The following FAM47E variants were observed in gnomAD, a reference collection of about 807,000 sequenced individuals.
FAM47E encodes protein FAM47E.
A neutral mutation model predicts 41.6 loss-of-function variants in FAM47E; 32 were observed. That is an observed-to-expected ratio of 0.77 (90% CI 0.58 to 1.03). The LOEUF (loss-of-function observed/expected upper bound fraction) is 1.03, where lower values mean the gene tolerates loss of function less well. Ranked by LOEUF, FAM47E falls within the 50% of genes least tolerant of loss-of-function variation. The pLI is 0.00. For missense variants in FAM47E, 424 were observed against 485.4 expected, an observed-to-expected ratio of 0.87 and a Z score of 1.19; for synonymous variants, 184 against 188.7, an observed-to-expected ratio of 0.98 and a Z score of 0.20.
intron 5 of FAM47E, among the ~76,000 whole-genome samples, chr4:76,276,360 TTTTGTTTG>T (rs796747162): frequency 1.0e-4 from 6 of 57,722 alleles, no homozygotes; most frequent in Non-Finnish European, 2.5e-4. Flanking sequence ...GGTTACTTTT[TTTTGTTTG>T]TTTGTTTTTT....
intron 2 of FAM47E, among the ~76,000 whole-genome samples, chr4:76,245,861 A>C (rs774530610): frequency 2.3e-4 from 35 of 152,204 alleles, no homozygotes; most frequent in Non-Finnish European, 4.7e-4. Flanking sequence ...GAACTAAAGG[A>C]CCCATCCATC....
Position 76,256,334 on chromosome 4 carries a change from G to T in FAM47E, c.231G>T (p.Gln77His). 9 of 1,551,720 alleles carry T rather than the reference G, an allele frequency of 5.8e-6. No individual in the cohort carries two copies. The highest frequency in any genetic ancestry group is 7.8e-6 in the Non-Finnish European group (9 of 1,147,006). Residue 77 changes from glutamine to histidine, a missense_variant, in exon 2 of 8, where the codon CAG (glutamine) becomes CAT (histidine). By Grantham distance (24) the Gln-to-His change is conservative. Transcript: ENST00000424749. ...TQVPVEGFLP[Q>H]IYHRAPQLAP... ...TCCCTGTGGAGGGCTTTCTGCCCCA[G>T]ATTTATCACAGAGCTCCCCAACTGG...
At chr4:76,214,887 G>C (rs1199599546) in intron 1 of FAM47E, among the ~76,000 whole-genome samples, 1 of 152,238 alleles carries the variant, frequency 6.6e-6, no homozygotes, top group African/African-American at 2.4e-5. Context: ...CTGGGATGCA[G>C]GTGTGATCCT....
Position 76,280,329 on chromosome 4 carries a change from C to T in FAM47E, c.1092C>T (p.Tyr364=), listed in dbSNP as rs770978130. The change falls in exon 7 of 8, where the codon TAC becomes TAT. Residue 364 remains tyrosine (Y), a synonymous_variant. Coordinates refer to ENST00000424749, the MANE Select transcript of FAM47E (RefSeq NM_001136570.3). ...AFKDFILSRG[Y]RTPRFLENMY... ...AGGATTTCATTCTAAGCAGGGGCTA[C>T]AGGACGCCACGTGTGAGTAAAGGGT... The T allele has an allele frequency of 3.5e-4, 545 of 1,545,540 alleles. 2 individuals are homozygous for T. The highest frequency in any genetic ancestry group is 3.3e-4 in the Middle Eastern group (2 of 6,000).
At chr4:76,272,878 A>G (rs1394746121) in intron 5 of FAM47E, among the ~76,000 whole-genome samples, 3 of 152,174 alleles carry the variant, frequency 2.0e-5, no homozygotes, top group African/African-American at 7.2e-5. Context: ...AGTTGAAAAT[A>G]TATTTCCACA....
In FAM47E at chr4:76,263,629, C is replaced by CT. The variant is rs1734509576; in HGVS notation, c.421-74dup. On this transcript the variant is annotated intron_variant, in intron 2 of 7. Transcript: ENST00000424749. ...AAGGAAAAGTGAAGGGCAAGTTGGT[C>CT]TGTTTTGTTGTAGAATGGGGACTCC... 73 of 1,500,882 alleles carry CT rather than the reference C, an allele frequency of 4.9e-5. No individual in the cohort carries two copies. In the South Asian group the frequency reaches 8.8e-4, roughly 18 times the overall value. The allele number at this position is 1,500,882 out of a possible 1,614,324, so 93.0% of individuals were successfully genotyped here. A position where few individuals can be genotyped will look rare whatever the true frequency, so the allele number is the denominator to read the frequency against.
intron 2 of FAM47E, among the ~76,000 whole-genome samples, chr4:76,258,541 AG>A (rs35639717): frequency 2.0e-5 from 3 of 152,234 alleles, no homozygotes; most frequent in African/African-American, 7.2e-5. Flanking sequence ...ATTTGGGGAC[AG>A]GGGTAGGCCC....
intron 2 of FAM47E, among the ~76,000 whole-genome samples, chr4:76,233,594 A>G (rs991836404): frequency 6.6e-6 from 1 of 152,022 alleles, no homozygotes; most frequent in African/African-American, 2.4e-5. Flanking sequence ...ACGCACACAC[A>G]CACACACACA....
At chr4:76,251,589 G>T (rs548066702), upstream of FAM47E, 63 of 1,298,186 alleles carry the variant, frequency 4.9e-5, 1 homozygote, top group African/African-American at 8.4e-4. Context: ...GTCCCCAGGC[G>T]TCGGAGAAGG....
At chr4:76,231,098 C>T (rs897573728) in intron 2 of FAM47E, among the ~76,000 whole-genome samples, 1 of 141,026 alleles carries the variant, frequency 7.1e-6, no homozygotes, top group Non-Finnish European at 1.5e-5. Context: ...AAGGTGAAAC[C>T]GTAGAACTGA....
chr4:76,217,659 A>G, exon 2 of FAM47E: 1 of 652,320 alleles, frequency 1.5e-6, no homozygotes, highest in Non-Finnish European at 2.8e-6. Flanking sequence ...CCATGAGCCA[A>G]ATAAACCTCT....
At chr4:76,276,115 T>C (rs945192329) in intron 5 of FAM47E, among the ~76,000 whole-genome samples, 9 of 151,474 alleles carry the variant, frequency 5.9e-5, no homozygotes, top group Non-Finnish European at 8.8e-5. Context: ...ATGTCAATAG[T>C]GCCAAAGTTA....
rs192185572 is a variant in FAM47E at position 76,244,336 on chromosome 4, G to A, written c.82-19368G>A. On this transcript the variant is annotated intron_variant, in intron 2 of 7. Transcript: ENST00000510197. ...CACCACACTGTCTTCCACAATGGTC[G>A]AACTAATTTACACTCCCACCAACAG... 6.4e-3 allele frequency among the ~76,000 whole-genome samples: 975 copies of A among 151,978 alleles called. 8 individuals carry two copies. Among genetic ancestry groups the A allele is most frequent in the Non-Finnish European group, 8.1e-3 (551 of 67,966 alleles).
rs1313762676 is a variant in FAM47E at position 76,256,388 on chromosome 4, C to T, written c.285C>T (p.Leu95=). Residue 95 remains leucine, a synonymous_variant, in exon 2 of 8, where the codon CTC becomes CTT. Transcript: ENST00000424749. ...CAAAGAAGAGGCAGATCAAGCTGCT[C>T]AAGGAAGCAGACGTGCTTTCCAAGC... The part of the protein sequence containing the change: ...LAPKKRQIKL[L]KEADVLSKLS... 2.8e-5 allele frequency: 43 copies of T among 1,552,010 alleles called. No homozygotes were observed. The East Asian group carries it at 1.0e-3, about 38-fold the overall frequency.
intron 3 of FAM47E, 32 bp from the exon 4 acceptor site, chr4:76,268,628 A>C (rs1734745027): frequency 1.3e-6 from 2 of 1,543,524 alleles, no homozygotes; most frequent in South Asian, 2.4e-5. Context: ...ATTGTGTCTC[A>C]TATTGTAATT....
At chr4:76,224,899 C>T (rs7667447) in intron 2 of FAM47E, among the ~76,000 whole-genome samples, 46,787 of 151,798 alleles carry the variant, frequency 0.31, 7,368 homozygotes, top group African/African-American at 0.38. Context: ...ATCCCTCACC[C>T]GCCTCCTACC....
At chr4:76,261,766 A>G (rs1445664130) in intron 2 of FAM47E, among the ~76,000 whole-genome samples, 2 of 152,200 alleles carry the variant, frequency 1.3e-5, no homozygotes, top group Non-Finnish European at 2.9e-5. Context: ...TCCAAACCCC[A>G]GTATTACACA....
At chr4:76,242,960 A>T (rs1733741923) in intron 2 of FAM47E, among the ~76,000 whole-genome samples, 2 of 152,192 alleles carry the variant, frequency 1.3e-5, no homozygotes, top group South Asian at 4.1e-4. Flanking sequence ...ATCCCATAAC[A>T]ATCTTATAAC....
At chr4:76,268,949 A>G (rs972875737) in intron 4 of FAM47E, 181 bp downstream of exon 4, 8 of 717,702 alleles carry the variant, frequency 1.1e-5, no homozygotes, top group Admixed American at 3.8e-5. Flanking sequence ...TTATGTATAA[A>G]TAGAAATATT....
Sources: gnomAD v4.1 joint callset for allele counts (sites outside exome capture counted in the v4.1 genomes callset) on GRCh38, gnomAD v4.1.1 for gene constraint, MANE v1.5 for transcripts, NCBI Gene and HGNC (gene_info 2026-07-23, HGNC 2026-07-21) for gene names.